SAE1: variants seen among roughly 807,000 people sequenced by gnomAD.
SAE1 encodes SUMO1 activating enzyme subunit 1, also known as SUMO-activating enzyme subunit 1.
In SAE1, 11 loss-of-function variants were observed where a neutral mutation model predicts 40.6. That is an observed-to-expected ratio of 0.27 (90% CI 0.17 to 0.45). The LOEUF (loss-of-function observed/expected upper bound fraction) is 0.45. SAE1 is among the 20% of genes least tolerant of loss of function. The probability of loss-of-function intolerance (pLI) is 1.00; values close to 1 mark genes in which losing one functional copy is unlikely to be tolerated. For missense variants in SAE1, 373 were observed against 427.3 expected (o/e 0.87, Z 1.12); for synonymous variants, 155 against 154.3 (o/e 1.00, Z -0.03).
intron 6 of SAE1, among the ~76,000 whole-genome samples, chr19:47,179,456 G>A (rs899571891): frequency 2.0e-5 from 3 of 151,700 alleles, no homozygotes; most frequent in Admixed American, 6.6e-5. Flanking sequence ...GCAGTGAGCC[G>A]AGGTTGCTCC....
intron 2 of SAE1, among the ~76,000 whole-genome samples, chr19:47,148,440 A>T (rs1384558338): frequency 1.3e-5 from 2 of 151,996 alleles, no homozygotes; most frequent in Non-Finnish European, 2.9e-5. Flanking sequence ...TGGTTAAATT[A>T]GATGTTTGAT....
intron 6 of SAE1, among the ~76,000 whole-genome samples, chr19:47,191,305 G>A (rs2058576280): frequency 6.6e-6 from 1 of 152,180 alleles, no homozygotes. Context: ...GGGTGACAGA[G>A]TGAGACTCCA....
intron 6 of SAE1, among the ~76,000 whole-genome samples, chr19:47,195,048 G>A (rs1461239154): frequency 6.7e-6 from 1 of 150,072 alleles, no homozygotes; most frequent in Non-Finnish European, 1.5e-5. Flanking sequence ...CACCACACCT[G>A]GCCAGTCTTT....
At chr19:47,198,534 C>T (rs2058631395) in intron 7 of SAE1, among the ~76,000 whole-genome samples, 1 of 152,176 alleles carries the variant, frequency 6.6e-6, no homozygotes, top group African/African-American at 2.4e-5. Flanking sequence ...ATAATGATGG[C>T]TGCAGTTTAC....
At chr19:47,191,553 C>G (rs747893176) in intron 6 of SAE1, among the ~76,000 whole-genome samples, 3 of 152,194 alleles carry the variant, frequency 2.0e-5, no homozygotes, top group Non-Finnish European at 4.4e-5. Context: ...TGAGGCCTTG[C>G]AGCAGTCACG....
At chr19:47,134,318 G>A (rs541164449) in intron 1 of SAE1, among the ~76,000 whole-genome samples, 93 of 152,044 alleles carry the variant, frequency 6.1e-4, no homozygotes, top group African/African-American at 2.1e-3. Context: ...TTGAGGGGGT[G>A]GGAGCTTTCA....
In SAE1 at chr19:47,180,492, A is replaced by G. The variant is rs565316816; in HGVS notation, c.733+10569A>G. On this transcript the variant is annotated intron_variant, in intron 6 of 8. Coordinates refer to ENST00000270225, the MANE Select transcript of SAE1 (RefSeq NM_005500.3). ...ATCAAGAATCAAAGTGCTAAAATCAATGGGGAACAGTTTGCGGTGAAACAG... is the reference window on the plus strand; with the variant it reads ...ATCAAGAATCAAAGTGCTAAAATCAGTGGGGAACAGTTTGCGGTGAAACAG... 3.9e-5 allele frequency among the ~76,000 whole-genome samples: 6 copies of G among 152,318 alleles called. No homozygotes were observed. In the South Asian group the frequency reaches 1.0e-3, roughly 26 times the overall value.
intron 2 of SAE1, among the ~76,000 whole-genome samples, chr19:47,145,091 C>A (rs925361018): frequency 4.6e-5 from 7 of 151,952 alleles, no homozygotes; most frequent in Non-Finnish European, 1.0e-4. Context: ...CAACCTCTGC[C>A]TCCCAGGTTC....
Position 47,141,312 on chromosome 19 carries a change from T to G in SAE1, c.99-2182T>G, listed in dbSNP as rs1378582958. On this transcript the variant is annotated intron_variant, in intron 1 of 8. Transcript: ENST00000270225. ...CCCCCACGCCTGGCCATAATTTTTT[T>G]TGTATTTTTAGTAGAGAGGGTGTTT... is the stretch of plus-strand genomic sequence containing the variant. 5.3e-5 allele frequency among the ~76,000 whole-genome samples: 8 copies of G among 152,218 alleles called. No individual in the cohort carries two copies. In the East Asian group the frequency reaches 1.5e-3, roughly 29 times the overall value.
In SAE1 at chr19:47,209,145, AT is replaced by A; in HGVS notation, c.949-9del. 6.2e-7 allele frequency: 1 copy of A among 1,609,810 alleles called. No individual in the cohort carries two copies. Among genetic ancestry groups the A allele is most frequent in the Non-Finnish European group, 8.5e-7 (1 of 1,178,062 alleles). On this transcript the variant is annotated splice_polypyrimidine_tract_variant and intron_variant, in intron 8 of 8. Transcript: ENST00000270225. ...AGCACTTGAGCTAAACCCTCTTTTC[AT>A]TTTTCTCCCCAGGCCCTGTCTCAGC...
chr19:47,144,563 G>T (rs2058242982), intron 2 of SAE1, among the ~76,000 whole-genome samples: 1 of 148,976 alleles, frequency 6.7e-6, no homozygotes, highest in South Asian at 2.1e-4. Flanking sequence ...GCAGGGCTTG[G>T]TGGCGGGCGC....
At chr19:47,135,043 G>C (rs1332222459) in intron 1 of SAE1, among the ~76,000 whole-genome samples, 1 of 152,004 alleles carries the variant, frequency 6.6e-6, no homozygotes, top group Non-Finnish European at 1.5e-5. Context: ...AAATTTTTTT[G>C]TGTGAGTACA....
chr19:47,177,133 C>T (rs1005747620), intron 6 of SAE1, among the ~76,000 whole-genome samples: 2 of 152,200 alleles, frequency 1.3e-5, no homozygotes, highest in African/African-American at 2.4e-5. Context: ...TGGAAAAGTA[C>T]TTAGACCATC....
intron 6 of SAE1, among the ~76,000 whole-genome samples, chr19:47,170,309 G>C (rs917793653): frequency 2.0e-5 from 3 of 151,226 alleles, no homozygotes; most frequent in Non-Finnish European, 1.5e-5. Flanking sequence ...CCACCTCCTG[G>C]GTTGAAGCGA....
intron 5 of SAE1, among the ~76,000 whole-genome samples, chr19:47,165,810 A>G (rs1326402756): frequency 6.6e-6 from 1 of 152,178 alleles, no homozygotes; most frequent in Non-Finnish European, 1.5e-5. Context: ...GCACTGAATA[A>G]CTACTGTTAT....
rs983524215 is a variant in SAE1 at position 47,169,186 on chromosome 19, C to A, written c.628-632C>A. ...GTTTTATAGAATATTGTTAGACTTACATTCTTGCCCCTCATTGTGGAAGTA... is the reference window on the plus strand; with the variant it reads ...GTTTTATAGAATATTGTTAGACTTAAATTCTTGCCCCTCATTGTGGAAGTA... On this transcript the variant is annotated intron_variant, in intron 5 of 8. Transcript: ENST00000270225. Among the ~76,000 whole-genome samples, 5 of 152,132 alleles carry A rather than the reference C, an allele frequency of 3.3e-5. No homozygotes were observed. In the East Asian group the frequency reaches 5.8e-4, roughly 18 times the overall value.
intron 4 of SAE1, among the ~76,000 whole-genome samples, chr19:47,154,089 G>A (rs1009521735): frequency 1.4e-5 from 2 of 146,980 alleles, no homozygotes; most frequent in Non-Finnish European, 3.0e-5. Flanking sequence ...CACCGCACCC[G>A]GCTATTATTA....
chr19:47,200,235 T>C lies in SAE1; in HGVS notation c.878+2858T>C, dbSNP rs954626507. Among the ~76,000 whole-genome samples, 6 of 136,486 alleles carry C rather than the reference T, an allele frequency of 4.4e-5. No individual in the cohort carries two copies. The Admixed American group carries it at 4.6e-4, about 10-fold the overall frequency. The allele number at this position is 136,486 out of a possible 152,430, so 89.5% of individuals were successfully genotyped here. On this transcript the variant is annotated intron_variant, in intron 7 of 8. Transcript: ENST00000270225. The stretch of plus-strand genomic sequence containing the variant: ...AGTGTGAGCCACCACGCCCAGCCTC[T>C]TTTTTTTTTTTTTTTTAAGATAGGG...
intron 5 of SAE1, among the ~76,000 whole-genome samples, chr19:47,159,138 A>G (rs1379901233): frequency 6.6e-6 from 1 of 152,188 alleles, no homozygotes; most frequent in African/African-American, 2.4e-5. Flanking sequence ...AGAAATACAG[A>G]TTTAATTTTA....
Sources: gnomAD v4.1 joint callset for allele counts (sites outside exome capture counted in the v4.1 genomes callset) on GRCh38, gnomAD v4.1.1 for gene constraint, MANE v1.5 for transcripts, NCBI Gene and HGNC (gene_info 2026-07-23, HGNC 2026-07-21) for gene names.